The following LPP variants were observed in gnomAD, a reference collection of about 807,000 sequenced individuals.
The protein encoded by LPP is lipoma-preferred partner.
In LPP, 38 loss-of-function variants were observed where a neutral mutation model predicts 60.4. The observed-to-expected ratio is 0.63, with a 90% CI of 0.49 to 0.83. The LOEUF (loss-of-function observed/expected upper bound fraction) is 0.83. Among genes scored for constraint, LPP ranks in the 40% least tolerant of loss-of-function variants. The probability of loss-of-function intolerance (pLI) is 0.00; values close to 1 mark genes in which losing one functional copy is unlikely to be tolerated. For missense variants in LPP, 902 were observed against 783.6 expected (o/e 1.15, Z -1.80); for synonymous variants, 328 against 290.8 (o/e 1.13, Z -1.30).
chr3:188,561,559 C>T (rs1231446337), intron 6 of LPP, among the ~76,000 whole-genome samples: 3 of 152,032 alleles, frequency 2.0e-5, no homozygotes, highest in South Asian at 2.1e-4. Context: ...TTAGACCTTC[C>T]TTTTCTACCA....
intron 8 of LPP, chr3:188,725,505 G>A (rs1241238271): frequency 6.6e-6 from 1 of 152,174 alleles, no homozygotes; most frequent in Non-Finnish European, 1.5e-5. Context: ...GCATGTATAG[G>A]TAAGACTAGG....
intron 8 of LPP, among the ~76,000 whole-genome samples, chr3:188,720,025 G>T (rs1280123552): frequency 6.6e-6 from 1 of 152,198 alleles, no homozygotes; most frequent in Non-Finnish European, 1.5e-5. Flanking sequence ...CTGTGCTCCT[G>T]CCTCAGCCTC....
chr3:188,550,106 C>G (rs143344377), intron 6 of LPP, among the ~76,000 whole-genome samples: 1 of 152,088 alleles, frequency 6.6e-6, no homozygotes, highest in Non-Finnish European at 1.5e-5. Flanking sequence ...TGTATTAATG[C>G]GACCAAAATA....
In LPP at chr3:188,484,017, C is replaced by T. The variant is rs147338985; in HGVS notation, c.194-575C>T. 1.5e-4 allele frequency among the ~76,000 whole-genome samples: 23 copies of T among 152,116 alleles called. 1 individual carries two copies. The East Asian group carries it at 3.5e-3, about 23-fold the overall frequency. ...TACATTCCTGTGTCCCATGTTTTTCCTATGTCATGACTTGCTTTTTATTCT... is the reference window on the plus strand; with the variant it reads ...TACATTCCTGTGTCCCATGTTTTTCTTATGTCATGACTTGCTTTTTATTCT... On this transcript the variant is annotated intron_variant, in intron 4 of 11. Coordinates refer to ENST00000617246, the MANE Select transcript of LPP (RefSeq NM_001375462.1).
chr3:188,749,094 G>C (rs531218321), intron 8 of LPP, among the ~76,000 whole-genome samples: 57 of 152,250 alleles, frequency 3.7e-4, no homozygotes, highest in Middle Eastern at 6.8e-3. Context: ...CCTTGTTCTG[G>C]AGTCATACAG....
At chr3:188,522,619 G>C (rs1270258196) in intron 5 of LPP, among the ~76,000 whole-genome samples, 2 of 151,654 alleles carry the variant, frequency 1.3e-5, no homozygotes, top group African/African-American at 4.8e-5. Flanking sequence ...ATGTTCTAGG[G>C]GAGAGACTGA....
At chr3:188,195,804 C>T (rs768447605) in intron 1 of LPP, among the ~76,000 whole-genome samples, 19 of 152,120 alleles carry the variant, frequency 1.2e-4, no homozygotes, top group Non-Finnish European at 2.4e-4. Flanking sequence ...AATGTGGCTG[C>T]AGGAAATTAA....
chr3:188,646,557 T>C (rs1326930835), intron 7 of LPP, among the ~76,000 whole-genome samples: 1 of 152,212 alleles, frequency 6.6e-6, no homozygotes, highest in Non-Finnish European at 1.5e-5. Context: ...TCAGGTTGCC[T>C]ATAAAGGCAA....
chr3:188,373,042 A>T (rs1056681666), intron 3 of LPP, among the ~76,000 whole-genome samples: 36 of 151,792 alleles, frequency 2.4e-4, no homozygotes, highest in South Asian at 4.2e-4. Context: ...TGAACTCATC[A>T]TTTTTATGGC....
chr3:188,796,000 C>T (rs888196578), intron 9 of LPP, among the ~76,000 whole-genome samples: 2 of 152,160 alleles, frequency 1.3e-5, no homozygotes, highest in Non-Finnish European at 2.9e-5. Context: ...TTCAGCCAAT[C>T]TCAGTTGACA....
chr3:188,433,977 T>C (rs1024911563), intron 4 of LPP, among the ~76,000 whole-genome samples: 3 of 151,654 alleles, frequency 2.0e-5, no homozygotes, highest in Admixed American at 6.6e-5. Flanking sequence ...GTGGGGAGGG[T>C]GAATGGTAGT....
At chr3:188,397,995 G>A (rs931995697) in intron 3 of LPP, among the ~76,000 whole-genome samples, 1 of 152,122 alleles carries the variant, frequency 6.6e-6, no homozygotes, top group Admixed American at 6.5e-5. Context: ...AGTTTATTTG[G>A]ATCCTGAAAT....
intron 7 of LPP, among the ~76,000 whole-genome samples, chr3:188,670,247 TATA>T (rs1181385325): frequency 2.6e-5 from 4 of 152,036 alleles, no homozygotes; most frequent in Admixed American, 2.0e-4. Context: ...GAACGTAAAG[TATA>T]ATAATAAAAA....
chr3:188,844,491 A>T (rs1162153301), intron 9 of LPP, among the ~76,000 whole-genome samples: 1 of 152,270 alleles, frequency 6.6e-6, no homozygotes, highest in African/African-American at 2.4e-5. Context: ...TGTCCCTAGC[A>T]TGAAAAAATA....
At chr3:188,484,460 G>T in intron 4 of LPP, 132 bp from the exon 5 acceptor site, 1 of 616,612 alleles carries the variant, frequency 1.6e-6, no homozygotes, top group East Asian at 2.6e-5. Context: ...ACTAAGATGG[G>T]GAATAATTGC....
chr3:188,227,038 T>C (rs200787578), intron 2 of LPP, among the ~76,000 whole-genome samples: 1 of 152,206 alleles, frequency 6.6e-6, no homozygotes, highest in Admixed American at 6.5e-5. Flanking sequence ...TTGAGTTTTT[T>C]CAGTGTTTAT....
At chr3:188,195,451 A>G (rs144342145) in intron 1 of LPP, among the ~76,000 whole-genome samples, 61 of 152,326 alleles carry the variant, frequency 4.0e-4, no homozygotes, top group African/African-American at 1.4e-3. Flanking sequence ...TAGAGAGTTT[A>G]CTGAATTTCT....
intron 9 of LPP, among the ~76,000 whole-genome samples, chr3:188,806,044 T>A (rs1749025617): frequency 6.6e-6 from 1 of 151,910 alleles, no homozygotes; most frequent in Non-Finnish European, 1.5e-5. Context: ...AATATGTGTA[T>A]TCTGCTATTA....
chr3:188,829,994 A>G (rs1281592935), intron 9 of LPP, among the ~76,000 whole-genome samples: 6 of 134,950 alleles, frequency 4.4e-5, no homozygotes, highest in African/African-American at 1.7e-4. Flanking sequence ...CAACACAGTG[A>G]AGCCCCATCT....
Sources: allele counts gnomAD v4.1 joint callset (sites outside exome capture counted in the v4.1 genomes callset), GRCh38; gene constraint gnomAD v4.1.1; transcripts MANE v1.5; gene names NCBI Gene and HGNC (gene_info 2026-07-23, HGNC 2026-07-21).